The following ADCY8 variants were observed in gnomAD, a reference collection of about 807,000 sequenced individuals.
ADCY8 encodes the protein adenylate cyclase type 8.
ADCY8 carries 51 observed loss-of-function variants against 119.7 expected under a neutral mutation model. The observed-to-expected ratio is 0.43, with a 90% CI of 0.34 to 0.54. The LOEUF is 0.54. Ranked by LOEUF, ADCY8 falls within the 20% of genes least tolerant of loss-of-function variation. The pLI is 0.03. For synonymous variants in ADCY8, 665 were observed against 651.0 expected (o/e 1.02, Z -0.33); for missense variants, 1,383 against 1,598.8 (o/e 0.87, Z 2.30).
intron 7 of ADCY8, among the ~76,000 whole-genome samples, chr8:130,897,067 C>G (rs934065479): frequency 6.6e-6 from 1 of 152,096 alleles, no homozygotes; most frequent in African/African-American, 2.4e-5. Context: ...AAATCTGACT[C>G]CAACTCAGTT....
chr8:130,964,538 G>A (rs572283520), intron 2 of ADCY8, among the ~76,000 whole-genome samples: 2 of 152,180 alleles, frequency 1.3e-5, no homozygotes, highest in Non-Finnish European at 2.9e-5. Flanking sequence ...TTGTAATGCT[G>A]AGCAGCTAAA....
At chr8:131,014,694 A>G (rs1030837293) in intron 1 of ADCY8, among the ~76,000 whole-genome samples, 2 of 152,188 alleles carry the variant, frequency 1.3e-5, no homozygotes, top group Non-Finnish European at 2.9e-5. Flanking sequence ...AGTTGTGAGA[A>G]CACAGGGAAT....
intron 15 of ADCY8, among the ~76,000 whole-genome samples, chr8:130,791,097 C>CAAAGTCA (rs1472916227): frequency 1.3e-5 from 2 of 152,172 alleles, no homozygotes; most frequent in African/African-American, 4.8e-5. Context: ...TTTTTGGCTT[C>CAAAGTCA]AAAGTCAAAA....
chr8:130,793,807 A>G (rs940002299), intron 15 of ADCY8, among the ~76,000 whole-genome samples: 1 of 152,176 alleles, frequency 6.6e-6, no homozygotes, highest in African/African-American at 2.4e-5. Flanking sequence ...CCTTCCTTTT[A>G]AACAAACTTA....
At chr8:130,816,891 TA>T (rs1816364956) in intron 13 of ADCY8, among the ~76,000 whole-genome samples, 1 of 152,218 alleles carries the variant, frequency 6.6e-6, no homozygotes, top group African/African-American at 2.4e-5. Flanking sequence ...AACTTTAGAA[TA>T]ATTCCAATAT....
intron 1 of ADCY8, among the ~76,000 whole-genome samples, chr8:130,994,674 A>T (rs943323163): frequency 2.6e-5 from 4 of 152,196 alleles, no homozygotes; most frequent in African/African-American, 9.7e-5. Context: ...CGTATTGCTT[A>T]GTTTGACTTC....
intron 7 of ADCY8, chr8:130,892,383 A>C (rs139467176): frequency 1.3e-5 from 2 of 152,192 alleles, no homozygotes; most frequent in East Asian, 3.9e-4. Context: ...CCTTTGATTG[A>C]CTTTTGTTCC....
At position 130,992,382 on chromosome 8, in the gene ADCY8, C is replaced by CACATATATATATAT. The variant is rs1563758967; in HGVS notation, c.961-1841_961-1840insATATATATATATGT. The stretch of plus-strand genomic sequence containing the variant: ...TACATACATGAGCAACTGTATCTGG[C>CACATATATATATAT]ATATATATATATATATATATATATA... On this transcript the variant is annotated intron_variant, in intron 1 of 17. Transcript: ENST00000286355. 1.4e-4 allele frequency among the ~76,000 whole-genome samples: 11 copies of CACATATATATATAT among 78,088 alleles called. 1 individual carries two copies. The highest frequency in any genetic ancestry group is 5.9e-4 in the African/African-American group (11 of 18,762). 51.2% of individuals were successfully genotyped at this position (78,088 alleles called of 152,430 possible).
At chr8:130,914,507 G>A (rs998584172) in intron 5 of ADCY8, among the ~76,000 whole-genome samples, 1 of 152,036 alleles carries the variant, frequency 6.6e-6, no homozygotes, top group African/African-American at 2.4e-5. Context: ...TTTGTGTCTG[G>A]GATTTGACTT....
At chr8:130,845,843 AGAAG>A (rs1817279600) in intron 11 of ADCY8, among the ~76,000 whole-genome samples, 1 of 152,172 alleles carries the variant, frequency 6.6e-6, no homozygotes, top group Admixed American at 6.5e-5. Context: ...AATTAATAAA[AGAAG>A]GAAGGAAGGA....
chr8:130,886,469 T>G (rs886163321), intron 7 of ADCY8, among the ~76,000 whole-genome samples: 1 of 152,106 alleles, frequency 6.6e-6, no homozygotes, highest in African/African-American at 2.4e-5. Context: ...TAAATGCTAT[T>G]AGTGCAGCAT....
chr8:130,921,174 A>G lies in ADCY8; in HGVS notation c.1482-11308T>C, dbSNP rs369657326. Among the ~76,000 whole-genome samples, 60 of 152,340 alleles carry G rather than the reference A, an allele frequency of 3.9e-4. 1 individual carries two copies. In the South Asian group the frequency reaches 0.012, roughly 32 times the overall value. On this transcript the variant is annotated intron_variant, in intron 5 of 17. Coordinates refer to ENST00000286355, the MANE Select transcript of ADCY8 (RefSeq NM_001115.3). ...AATATTAAAAAATATAGTAAAGAAT[A>G]AAGAAGAAAATTAAAACTACTCAAT...
intron 7 of ADCY8, among the ~76,000 whole-genome samples, chr8:130,891,213 C>T (rs1368772500): frequency 6.6e-6 from 1 of 152,066 alleles, no homozygotes; most frequent in East Asian, 1.9e-4. Flanking sequence ...TGCCTGCAGC[C>T]TTTGGGTTGT....
chr8:130,866,653 T>C (rs1410538837), intron 9 of ADCY8, among the ~76,000 whole-genome samples: 1 of 152,212 alleles, frequency 6.6e-6, no homozygotes, highest in Non-Finnish European at 1.5e-5. Flanking sequence ...AAATTTTTCC[T>C]TGAGTCATGT....
chr8:130,830,967 G>A (rs1816816311), intron 12 of ADCY8, among the ~76,000 whole-genome samples: 1 of 152,122 alleles, frequency 6.6e-6, no homozygotes, highest in Non-Finnish European at 1.5e-5. Context: ...ATCTTCTGGT[G>A]ATCAGTTAGA....
In ADCY8 at chr8:130,821,384, C is replaced by A; in HGVS notation, c.2712G>T (p.Leu904=). 6.2e-7 allele frequency: 1 copy of A among 1,613,512 alleles called. No homozygotes were observed. The highest frequency in any genetic ancestry group is 8.5e-7 in the Non-Finnish European group (1 of 1,179,594). Residue 904 remains leucine (L), a synonymous_variant, in exon 13 of 18, where the codon CTG becomes CTT. Coordinates refer to ENST00000286355, the MANE Select transcript of ADCY8 (RefSeq NM_001115.3). ...ACACAGCCAGGAGGAACATGGCCAT[C>A]AGTAGCAGTGATACCTCCTTGGTCC... ...FLGTKEVSLL[L]MAMFLLAVFY...
chr8:130,893,774 GTGTT>G (rs962087434), intron 7 of ADCY8, among the ~76,000 whole-genome samples: 9 of 151,244 alleles, frequency 6.0e-5, no homozygotes, highest in East Asian at 1.9e-4. Flanking sequence ...TTATGTGTGT[GTGTT>G]TGTGGGTGTG....
At position 131,040,493 on chromosome 8, in the gene ADCY8, G is replaced by A; in HGVS notation, c.-160C>T. The A allele has an allele frequency of 1.1e-6, 1 of 871,610 alleles. No individual in the cohort carries two copies. Among genetic ancestry groups the A allele is most frequent in the Non-Finnish European group, 1.6e-6 (1 of 637,886 alleles). 54.0% of individuals were successfully genotyped at this position (871,610 alleles called of 1,614,324 possible). ...CCTGCGCTAGGGCTCCCTGTAGGTC[G>A]GGTCATACTGTGCCCAGGGGCAAAG... On this transcript the variant is annotated 5_prime_UTR_variant, in exon 1 of 18. An upstream open reading frame in the 5' UTR gains an earlier in-frame stop. Coordinates refer to ENST00000286355, the MANE Select transcript of ADCY8 (RefSeq NM_001115.3).
At chr8:130,905,490 A>G (rs765682951) in intron 6 of ADCY8, among the ~76,000 whole-genome samples, 6 of 152,220 alleles carry the variant, frequency 3.9e-5, no homozygotes, top group African/African-American at 7.2e-5. Context: ...TGTTCATTTG[A>G]ATGAAAGAAT....
Sources: gnomAD v4.1 joint callset for allele counts (sites outside exome capture counted in the v4.1 genomes callset) on GRCh38, gnomAD v4.1.1 for gene constraint, MANE v1.5 for transcripts, NCBI Gene and HGNC (gene_info 2026-07-23, HGNC 2026-07-21) for gene names.